Variants in FBXL2 observed in about 807,000 individuals in gnomAD.
FBXL2 encodes the protein F-box and leucine rich repeat protein 2, also known as F-box/LRR-repeat protein 2.
FBXL2 carries 38 observed loss-of-function variants against 69.2 expected under a neutral mutation model. That is an observed-to-expected ratio of 0.55 (90% CI 0.42 to 0.72). The LOEUF is 0.72. FBXL2 is among the 30% of genes least tolerant of loss of function. FBXL2 has a pLI of 0.00. For missense variants in FBXL2, 354 were observed against 520.3 expected, an observed-to-expected ratio of 0.68 and a Z score of 3.11; for synonymous variants, 192 against 201.3, an observed-to-expected ratio of 0.95 and a Z score of 0.39.
intron 13 of FBXL2, among the ~76,000 whole-genome samples, chr3:33,379,527 G>A (rs112813427): frequency 0.013 from 2,006 of 150,214 alleles, 19 homozygotes; most frequent in South Asian, 0.026. Flanking sequence ...GCAAATTTTT[G>A]TATTTTTAGT....
At chr3:33,336,980 G>A (rs1010307715) in intron 2 of FBXL2, among the ~76,000 whole-genome samples, 11 of 151,986 alleles carry the variant, frequency 7.2e-5, no homozygotes, top group South Asian at 2.1e-4. Flanking sequence ...CGAGGTGGGC[G>A]GATTGCCTGA....
At chr3:33,382,001 A>G (rs1292388572) in intron 13 of FBXL2, among the ~76,000 whole-genome samples, 2 of 152,282 alleles carry the variant, frequency 1.3e-5, no homozygotes, top group East Asian at 3.9e-4. Context: ...CTGCCTAGTT[A>G]CATAGCCAGT....
At chr3:33,397,888 A>C (rs951353282) in intron 12 of FBXL2, 3 of 152,156 alleles carry the variant, frequency 2.0e-5, no homozygotes, top group Admixed American at 6.6e-5. Flanking sequence ...AGAAAAAAAA[A>C]CTTACATATA....
chr3:33,323,053 AG>A, intron 2 of FBXL2, among the ~76,000 whole-genome samples: 2 of 152,294 alleles, frequency 1.3e-5, no homozygotes, highest in South Asian at 4.1e-4. Context: ...TACCTTACTA[AG>A]TTCACTATTA....
Position 33,297,712 on chromosome 3 carries a change from G to T in FBXL2, c.52G>T (p.Glu18Ter). ...CCTTATTAACAAAAAGTTACCCAAA[G>T]AACTTCTGTTAAGGTAAATGTAGAT... The part of the protein sequence containing the change: ...EGLINKKLPK[E>*]LLLRIFSFLD... The change falls in exon 2 of 15, where the codon GAA (glutamate) becomes TAA (stop). Residue 18 changes from glutamate to a stop codon, truncating the protein, a stop_gained. Transcript: ENST00000484457. LOFTEE classifies it high-confidence loss of function. 1 of 1,570,410 alleles carries T rather than the reference G, an allele frequency of 6.4e-7. No individual in the cohort carries two copies. Among genetic ancestry groups the T allele is most frequent in the South Asian group, 1.2e-5 (1 of 85,680 alleles).
At chr3:33,280,917 C>T (rs529122115) in intron 1 of FBXL2, among the ~76,000 whole-genome samples, 4 of 152,060 alleles carry the variant, frequency 2.6e-5, no homozygotes, top group Non-Finnish European at 5.9e-5. Context: ...TTGTTCATTT[C>T]GACTTTCCTA....
chr3:33,318,631 A>G (rs985240113), intron 2 of FBXL2, among the ~76,000 whole-genome samples: 7 of 152,126 alleles, frequency 4.6e-5, no homozygotes, highest in African/African-American at 1.7e-4. Flanking sequence ...CATATTTTAG[A>G]TTTTTGTTCG....
At chr3:33,395,911 TC>T (rs918215682) in intron 12 of FBXL2, among the ~76,000 whole-genome samples, 3 of 151,022 alleles carry the variant, frequency 2.0e-5, no homozygotes, top group Non-Finnish European at 4.4e-5. Flanking sequence ...GTTAGATATT[TC>T]CGGCATGAAG....
rs377078642 is a variant in FBXL2 at position 33,378,690 on chromosome 3, C to T, written c.900C>T (p.Thr300=). The T allele has an allele frequency of 1.9e-5, 31 of 1,612,590 alleles. No individual in the cohort carries two copies. In the African/African-American group the frequency reaches 2.8e-4, roughly 15 times the overall value. Residue 300 remains threonine (T), a synonymous_variant, in exon 13 of 15, where the codon ACC becomes ACT. Coordinates refer to ENST00000484457, the MANE Select transcript of FBXL2 (RefSeq NM_012157.5). ...CACAGCATGTTTCTCTCCAGATAAC[C>T]GACAGCACACTCATCCAGCTCTCCA... ...KMDLEECILI[T]DSTLIQLSIH...
At chr3:33,278,641 T>C (rs908798234) in intron 1 of FBXL2, among the ~76,000 whole-genome samples, 4 of 152,162 alleles carry the variant, frequency 2.6e-5, no homozygotes, top group Non-Finnish European at 4.4e-5. Context: ...GTGTCTCTCA[T>C]TGACTCTGGA....
chr3:33,370,417 C>CAAAAAT (rs2042221583), intron 5 of FBXL2, among the ~76,000 whole-genome samples: 1 of 129,114 alleles, frequency 7.7e-6, no homozygotes, highest in Admixed American at 7.9e-5. Flanking sequence ...GACTCCGTCT[C>CAAAAAT]AAAAAAAAAA....
At chr3:33,389,785 A>AGAC (rs2043685109), downstream of FBXL2, 1 of 154,116 alleles carries the variant, frequency 6.5e-6, no homozygotes, top group South Asian at 2.0e-4. Context: ...GTACACCCTC[A>AGAC]GACATGATTT....
chr3:33,350,641 G>T (rs2040765449), intron 2 of FBXL2, among the ~76,000 whole-genome samples: 1 of 151,832 alleles, frequency 6.6e-6, no homozygotes, highest in South Asian at 2.1e-4. Context: ...TCAACATATT[G>T]GGCAGGCTAG....
chr3:33,336,727 A>C (rs1324817881), intron 2 of FBXL2, among the ~76,000 whole-genome samples: 3 of 151,710 alleles, frequency 2.0e-5, no homozygotes, highest in African/African-American at 7.3e-5. Context: ...CAATATGGTG[A>C]AACTCCATCT....
chr3:33,314,740 A>G (rs1284228078), intron 2 of FBXL2, among the ~76,000 whole-genome samples: 4 of 152,230 alleles, frequency 2.6e-5, no homozygotes, highest in African/African-American at 9.6e-5. Flanking sequence ...ATTCATTAAT[A>G]TCACCATTGA....
chr3:33,320,920 C>T (rs2038147323), intron 2 of FBXL2, among the ~76,000 whole-genome samples: 1 of 152,166 alleles, frequency 6.6e-6, no homozygotes, highest in Non-Finnish European at 1.5e-5. Context: ...CTAAAAGATA[C>T]TTGTAGTACA....
chr3:33,409,060 G>GA, the FBXL2 span, among the ~76,000 whole-genome samples: 2 of 152,082 alleles, frequency 1.3e-5, no homozygotes, highest in Non-Finnish European at 2.9e-5. Context: ...TCCCACCCAG[G>GA]AAACAGTCTA....
downstream of FBXL2, chr3:33,392,656 AC>A (rs751376925): frequency 1.7e-5 from 26 of 1,548,846 alleles, no homozygotes; most frequent in Admixed American, 9.5e-5. Flanking sequence ...TTAAGATCCA[AC>A]TGTCGTTTCT....
intron 13 of FBXL2, among the ~76,000 whole-genome samples, chr3:33,380,422 G>A (rs758956191): frequency 1.3e-4 from 19 of 151,718 alleles, no homozygotes; most frequent in Non-Finnish European, 2.4e-4. Context: ...GCCAGGCATG[G>A]TGGCACATGC....
Sources: allele counts gnomAD v4.1 joint callset (sites outside exome capture counted in the v4.1 genomes callset), GRCh38; gene constraint gnomAD v4.1.1; transcripts MANE v1.5; gene names NCBI Gene and HGNC (gene_info 2026-07-23, HGNC 2026-07-21).